Variants in VAC14 observed in about 807,000 individuals in gnomAD.
VAC14 encodes protein VAC14 homolog.
A neutral mutation model predicts 85.3 loss-of-function variants in VAC14; 47 were observed. The ratio of observed to expected loss-of-function variants is 0.55; its 90% CI spans 0.44 to 0.70. The LOEUF is 0.70. VAC14 is among the 30% of genes least tolerant of loss of function. The pLI is 0.00. For synonymous variants in VAC14, 447 were observed against 430.5 expected (o/e 1.04, Z -0.47); for missense variants, 861 against 1,004.3 (o/e 0.86, Z 1.93).
At chr16:70,760,697 C>T (rs998897110) in intron 12 of VAC14, among the ~76,000 whole-genome samples, 4 of 152,168 alleles carry the variant, frequency 2.6e-5, no homozygotes, top group South Asian at 4.1e-4. Context: ...ACTGCATCTC[C>T]GCCTGCTCCC....
At chr16:70,765,191 G>A (rs1384585377) in intron 10 of VAC14, among the ~76,000 whole-genome samples, 1 of 152,196 alleles carries the variant, frequency 6.6e-6, no homozygotes, top group Non-Finnish European at 1.5e-5. Flanking sequence ...CCAGGGTCCA[G>A]GGTGTCACGA....
At position 70,698,811 on chromosome 16, in the gene VAC14, C is replaced by T; in HGVS notation, c.1662G>A (p.Arg554=). The T allele has an allele frequency of 1.2e-6, 2 of 1,613,692 alleles. No homozygotes were observed. The highest frequency in any genetic ancestry group is 2.2e-5 in the East Asian group (1 of 44,876). Reference sequence around the variant, plus strand: ...CCGCATTCAGCAGGAGGCACAGCTGCCTGGAGAGCAGGCAGACTGGGGTCA... The same window carrying T: ...CCGCATTCAGCAGGAGGCACAGCTGTCTGGAGAGCAGGCAGACTGGGGTCA... ...LLEVRGPFII[R]QLCLLLNAEN... The change falls in exon 15 of 19, where the codon AGG becomes AGA. Residue 554 remains arginine (R), a splice_region_variant and synonymous_variant. Transcript: ENST00000261776.
At chr16:70,739,443 A>G (rs2030036613) in intron 13 of VAC14, among the ~76,000 whole-genome samples, 1 of 152,214 alleles carries the variant, frequency 6.6e-6, no homozygotes, top group African/African-American at 2.4e-5. Context: ...GTCACTGTGA[A>G]GAGAGGAGAG....
chr16:70,725,327 CT>C (rs924330738), intron 14 of VAC14, among the ~76,000 whole-genome samples: 1 of 152,226 alleles, frequency 6.6e-6, no homozygotes, highest in African/African-American at 2.4e-5. Context: ...GGCCGGTGGC[CT>C]TGGACACCTT....
At chr16:70,778,996 CAA>C (rs931691236) in intron 9 of VAC14, 3 of 152,198 alleles carry the variant, frequency 2.0e-5, no homozygotes, top group Admixed American at 1.3e-4. Context: ...CTTATTTCTC[CAA>C]GTTTTCTTTT....
At chr16:70,694,511 G>A (rs1567519939) in intron 17 of VAC14, among the ~76,000 whole-genome samples, 1 of 152,202 alleles carries the variant, frequency 6.6e-6, no homozygotes, top group Admixed American at 6.5e-5. Context: ...GGGCTCAGGA[G>A]GGGATGGGAA....
rs1229090214 is a variant in VAC14 at position 70,713,537 on chromosome 16, C to T, written c.1662-14726G>A. The stretch of plus-strand genomic sequence containing the variant: ...AGTCAAGAATGGCCAGGGGAATGGA[C>T]GTGGAAGAGGGCAGGCTTGAGGAGA... On this transcript the variant is annotated intron_variant, in intron 14 of 18. Coordinates refer to ENST00000261776, the MANE Select transcript of VAC14 (RefSeq NM_018052.5). 3.3e-5 allele frequency among the ~76,000 whole-genome samples: 5 copies of T among 152,080 alleles called. No homozygotes were observed. In the East Asian group the frequency reaches 5.8e-4, roughly 18 times the overall value.
chr16:70,790,500 T>C (rs900818059), intron 1 of VAC14, among the ~76,000 whole-genome samples: 1 of 152,190 alleles, frequency 6.6e-6, no homozygotes, highest in South Asian at 2.1e-4. Context: ...GCACGTGATG[T>C]GAACTTTAGG....
intron 14 of VAC14, chr16:70,715,528 C>G (rs773320394): frequency 1.3e-5 from 2 of 152,356 alleles, no homozygotes; most frequent in Non-Finnish European, 2.9e-5. Context: ...AGCGCCCTGC[C>G]GCCCCCTGGG....
intron 9 of VAC14, among the ~76,000 whole-genome samples, chr16:70,775,707 G>A (rs2033481568): frequency 6.6e-6 from 1 of 152,354 alleles, no homozygotes; most frequent in Middle Eastern, 3.4e-3. Flanking sequence ...AGCTGGGCAG[G>A]ATAGACTGGA....
chr16:70,753,561 G>C (rs1344804950), intron 12 of VAC14, among the ~76,000 whole-genome samples: 1 of 152,180 alleles, frequency 6.6e-6, no homozygotes, highest in African/African-American at 2.4e-5. Context: ...TGAGAGCTGG[G>C]GGTATATGGC....
At chr16:70,753,799 CG>C (rs1297058972) in intron 12 of VAC14, among the ~76,000 whole-genome samples, 1 of 152,166 alleles carries the variant, frequency 6.6e-6, no homozygotes, top group East Asian at 1.9e-4. Context: ...TGGCTTGAGC[CG>C]GGGCTGGATA....
chr16:70,699,319 G>C (rs2053776374), intron 14 of VAC14: 1 of 166,798 alleles, frequency 6.0e-6, no homozygotes. Context: ...GCACTGTTCG[G>C]GCTGTACCCT....
At position 70,744,304 on chromosome 16, in the gene VAC14, A is replaced by C. The variant is rs1008963011; in HGVS notation, c.1528+119T>G. On this transcript the variant is annotated intron_variant, in intron 13 of 18. Transcript: ENST00000261776. ...GCCAGTAGCAACCCACAGACCCCTC[A>C]CACCCTGGCAGAGCTCCAGAGCTCC... 3.5e-5 allele frequency: 49 copies of C among 1,406,672 alleles called. 1 individual carries two copies. Among genetic ancestry groups the C allele is most frequent in the Non-Finnish European group, 4.5e-5 (47 of 1,048,314 alleles). The allele number at this position is 1,406,672 out of a possible 1,614,324, so 87.1% of individuals were successfully genotyped here.
chr16:70,697,152 G>A lies in VAC14; in HGVS notation c.1942C>T (p.Leu648Phe). 1.9e-6 allele frequency: 3 copies of A among 1,613,400 alleles called. No homozygotes were observed. The highest frequency in any genetic ancestry group is 2.5e-6 in the Non-Finnish European group (3 of 1,179,474). Reference sequence around the variant, plus strand: ...GAGGAAGGATACAACTTCTGGATGAGGTCATAGGCGTGCCGGTAGTTCTGG... The same window carrying A: ...GAGGAAGGATACAACTTCTGGATGAAGTCATAGGCGTGCCGGTAGTTCTGG... ...LTQNYRHAYD[L>F]IQKFGDLEVT... Residue 648 changes from leucine (L) to phenylalanine (F), a missense_variant, in exon 16 of 19, where the codon CTC (leucine) becomes TTC (phenylalanine). Transcript: ENST00000261776.
chr16:70,725,338 T>TGGCTGG (rs2054397376), intron 14 of VAC14, among the ~76,000 whole-genome samples: 1 of 152,228 alleles, frequency 6.6e-6, no homozygotes, highest in Admixed American at 6.5e-5. Flanking sequence ...TTGGACACCT[T>TGGCTGG]GGTGATTTGG....
chr16:70,752,543 T>C (rs987411401), intron 12 of VAC14, among the ~76,000 whole-genome samples: 1 of 152,226 alleles, frequency 6.6e-6, no homozygotes, highest in African/African-American at 2.4e-5. Context: ...CCTGCTGCAC[T>C]GAGAGCAGCA....
intron 18 of VAC14, chr16:70,691,793 C>A (rs1193417241): frequency 2.3e-5 from 23 of 985,276 alleles, no homozygotes; most frequent in Non-Finnish European, 2.7e-5. Flanking sequence ...GAGGGCCAGT[C>A]TGGGTGGGAG....
intron 12 of VAC14, among the ~76,000 whole-genome samples, chr16:70,750,963 C>T (rs1163129983): frequency 2.0e-5 from 3 of 152,178 alleles, no homozygotes; most frequent in Non-Finnish European, 4.4e-5. Flanking sequence ...TCACCTCCCA[C>T]CAAGATTCCC....
Sources: allele counts gnomAD v4.1 joint callset (sites outside exome capture counted in the v4.1 genomes callset), GRCh38; gene constraint gnomAD v4.1.1; transcripts MANE v1.5; gene names NCBI Gene and HGNC (gene_info 2026-07-23, HGNC 2026-07-21).